The following SEMA3A variants were observed in gnomAD, a reference collection of about 807,000 sequenced individuals.
SEMA3A encodes the protein semaphorin 3A.
A neutral mutation model predicts 97.9 loss-of-function variants in SEMA3A; 29 were observed. The observed-to-expected ratio is 0.30, with a 90% CI of 0.22 to 0.40. The LOEUF (loss-of-function observed/expected upper bound fraction) is 0.40, where lower values mean the gene tolerates loss of function less well. Among genes scored for constraint, SEMA3A ranks in the 10% least tolerant of loss-of-function variants. SEMA3A has a pLI of 1.00. For synonymous variants in SEMA3A, 321 were observed against 323.7 expected, an observed-to-expected ratio of 0.99 and a Z score of 0.09; for missense variants, 763 against 951.3, an observed-to-expected ratio of 0.80 and a Z score of 2.60.
chr7:84,470,620 A>G (rs1157801385), intron 1 of SEMA3A, among the ~76,000 whole-genome samples: 1 of 152,120 alleles, frequency 6.6e-6, no homozygotes, highest in Non-Finnish European at 1.5e-5. Flanking sequence ...AGTAAGGCTC[A>G]TATACAGATC....
intron 3 of SEMA3A, among the ~76,000 whole-genome samples, chr7:84,261,712 C>T (rs957563978): frequency 1.3e-5 from 2 of 152,212 alleles, no homozygotes; most frequent in Non-Finnish European, 2.9e-5. Flanking sequence ...TCATGCACAC[C>T]TTGCTGCTCT....
At chr7:84,377,620 A>C (rs1803137791) in intron 1 of SEMA3A, among the ~76,000 whole-genome samples, 1 of 152,232 alleles carries the variant, frequency 6.6e-6, no homozygotes, top group South Asian at 2.1e-4. Flanking sequence ...GTAAATAAGG[A>C]ATAAGGGACC....
At chr7:84,232,893 T>G (rs571919121) in intron 3 of SEMA3A, among the ~76,000 whole-genome samples, 1 of 151,970 alleles carries the variant, frequency 6.6e-6, no homozygotes, top group Admixed American at 6.6e-5. Flanking sequence ...CTGAGCCAAG[T>G]GTCAGCTCTT....
intron 2 of SEMA3A, among the ~76,000 whole-genome samples, chr7:84,330,916 G>A (rs1245299909): frequency 6.6e-6 from 1 of 152,032 alleles, no homozygotes; most frequent in East Asian, 1.9e-4. Flanking sequence ...GCATATCTGA[G>A]GGTGGCTAGC....
intron 3 of SEMA3A, among the ~76,000 whole-genome samples, chr7:84,222,334 C>A (rs1377284699): frequency 2.0e-5 from 3 of 151,820 alleles, no homozygotes; most frequent in African/African-American, 7.2e-5. Flanking sequence ...AGTGCATAGT[C>A]ACCAATGATA....
At chr7:84,459,571 T>A (rs1216589176) in intron 1 of SEMA3A, among the ~76,000 whole-genome samples, 1 of 152,104 alleles carries the variant, frequency 6.6e-6, no homozygotes, top group African/African-American at 2.4e-5. Flanking sequence ...AACAGAGGAA[T>A]TGAAAGAAAT....
chr7:84,207,997 T>C (rs1019867816), intron 3 of SEMA3A, among the ~76,000 whole-genome samples: 1 of 152,210 alleles, frequency 6.6e-6, no homozygotes, highest in African/African-American at 2.4e-5. Flanking sequence ...TGCACATGTA[T>C]GCATACCTAC....
chr7:84,027,701 G>A (rs931022878), intron 6 of SEMA3A, among the ~76,000 whole-genome samples: 1 of 152,138 alleles, frequency 6.6e-6, no homozygotes, highest in East Asian at 1.9e-4. Context: ...TGGAGATGAG[G>A]TGGCAGTGTT....
intron 3 of SEMA3A, among the ~76,000 whole-genome samples, chr7:84,268,114 A>G (rs957134763): frequency 1.3e-5 from 2 of 152,090 alleles, no homozygotes; most frequent in African/African-American, 4.8e-5. Flanking sequence ...ATAGCACCCA[A>G]TTTGCTTCTG....
chr7:84,390,207 G>T (rs1803504157), intron 1 of SEMA3A, among the ~76,000 whole-genome samples: 1 of 151,726 alleles, frequency 6.6e-6, no homozygotes, highest in African/African-American at 2.4e-5. Context: ...ACCACTGGTT[G>T]CCTTGAATGT....
At chr7:84,093,917 T>C (rs1418114989) in intron 4 of SEMA3A, among the ~76,000 whole-genome samples, 9 of 89,912 alleles carry the variant, frequency 1.0e-4, no homozygotes, top group Non-Finnish European at 1.9e-4. Flanking sequence ...ACATGCATCC[T>C]AGAACTTAAA....
At chr7:84,376,336 C>T (rs929406109) in intron 1 of SEMA3A, among the ~76,000 whole-genome samples, 1 of 115,514 alleles carries the variant, frequency 8.7e-6, no homozygotes, top group Non-Finnish European at 1.9e-5. Context: ...GGCGCGGTGG[C>T]TCACGCCTGT....
intron 1 of SEMA3A, among the ~76,000 whole-genome samples, chr7:84,373,946 G>C (rs530910062): frequency 2.0e-5 from 3 of 152,170 alleles, no homozygotes; most frequent in Admixed American, 2.0e-4. Flanking sequence ...AGATGAGTTT[G>C]GCTTTAGGTG....
At chr7:84,023,968 C>T (rs946712351) in intron 6 of SEMA3A, among the ~76,000 whole-genome samples, 5 of 149,240 alleles carry the variant, frequency 3.4e-5, no homozygotes, top group Admixed American at 6.7e-5. Context: ...ACGGAGATCG[C>T]GCCACTGCAC....
intron 1 of SEMA3A, among the ~76,000 whole-genome samples, chr7:84,422,924 C>A (rs1157317420): frequency 3.3e-5 from 5 of 151,936 alleles, no homozygotes; most frequent in Non-Finnish European, 7.4e-5. Context: ...CAGTTTAATT[C>A]CCCAGTCTAT....
At chr7:83,962,517 C>T (rs7786275) in intron 16 of SEMA3A, among the ~76,000 whole-genome samples, 40,118 of 151,960 alleles carry the variant, frequency 0.26, 5,526 homozygotes, top group Middle Eastern at 0.37. Flanking sequence ...TTACCTTTAA[C>T]ATCATATTAT....
In SEMA3A at chr7:83,981,367, C is replaced by G; in HGVS notation, c.1606G>C (p.Ala536Pro). 6.2e-7 allele frequency: 1 copy of G among 1,613,994 alleles called. No homozygotes were observed. The highest frequency in any genetic ancestry group is 8.5e-7 in the Non-Finnish European group (1 of 1,179,944). Reference protein sequence around the residue: ...ECCLARDPYCAWDGSACSRYF... With the variant: ...ECCLARDPYCPWDGSACSRYF... ...CGAGAACATGCAGAACCATCCCAAG[C>G]ACAGTAAGGGTCTCGGGCGAGGCAA... Residue 536 changes from alanine (A) to proline (P), a missense_variant, in exon 14 of 17, where the codon GCT (alanine) becomes CCT (proline). Ala to Pro is a conservative substitution (Grantham distance 27). Transcript: ENST00000265362.
At chr7:84,076,410 C>T (rs1169075114) in intron 4 of SEMA3A, among the ~76,000 whole-genome samples, 1 of 152,066 alleles carries the variant, frequency 6.6e-6, no homozygotes, top group Non-Finnish European at 1.5e-5. Flanking sequence ...AACCACATAA[C>T]CTATTTCCAG....
At chr7:84,295,182 T>C (rs891448531) in intron 3 of SEMA3A, among the ~76,000 whole-genome samples, 2 of 152,094 alleles carry the variant, frequency 1.3e-5, no homozygotes, top group East Asian at 1.9e-4. Flanking sequence ...TCCAACTTTG[T>C]AGTCTAGACT....
Sources: gnomAD v4.1 joint callset for allele counts (sites outside exome capture counted in the v4.1 genomes callset) on GRCh38, gnomAD v4.1.1 for gene constraint, MANE v1.5 for transcripts, NCBI Gene and HGNC (gene_info 2026-07-23, HGNC 2026-07-21) for gene names.